The following CATSPERT variants were observed in gnomAD, a reference collection of about 807,000 sequenced individuals.
The protein encoded by CATSPERT is catsper channel auxiliary subunit tau, also known as cation channel sperm-associated targeting subunit tau.
the CATSPERT span, chr2:201,545,558 T>C: frequency 6.6e-7 from 1 of 1,508,814 alleles, no homozygotes; most frequent in Non-Finnish European, 8.9e-7. Context: ...CCTACAATAT[T>C]TTCAAGCTCC....
chr2:201,584,099 G>A, the CATSPERT span, among the ~76,000 whole-genome samples: 4 of 151,496 alleles, frequency 2.6e-5, no homozygotes, highest in Non-Finnish European at 5.9e-5. Context: ...TACTAGCCTC[G>A]GCAACATGGC....
chr2:201,493,364 G>A, the CATSPERT span: 6 of 1,536,818 alleles, frequency 3.9e-6, no homozygotes, highest in East Asian at 4.9e-5. Context: ...GGAATGATGG[G>A]TATACTCTGC....
chr2:201,549,019 C>T, the CATSPERT span, among the ~76,000 whole-genome samples: 1 of 151,936 alleles, frequency 6.6e-6, no homozygotes, highest in African/African-American at 2.4e-5. Context: ...ACACACACCC[C>T]CCAGCCAAAT....
the CATSPERT span, among the ~76,000 whole-genome samples, chr2:201,496,248 T>A: frequency 6.6e-6 from 1 of 152,164 alleles, no homozygotes. Context: ...AAAATAGAAT[T>A]GTCAGAAGAA....
At chr2:201,589,701 C>T in the CATSPERT span, among the ~76,000 whole-genome samples, 1 of 152,124 alleles carries the variant, frequency 6.6e-6, no homozygotes, top group African/African-American at 2.4e-5. Context: ...TAGGCAGGGA[C>T]AAAGATTTCA....
the CATSPERT span, among the ~76,000 whole-genome samples, chr2:201,546,944 G>C: frequency 6.6e-6 from 1 of 152,124 alleles, no homozygotes; most frequent in Non-Finnish European, 1.5e-5. Flanking sequence ...TATCTGGAGA[G>C]AGAAAAGAAT....
chr2:201,539,707 T>C, the CATSPERT span, among the ~76,000 whole-genome samples: 1 of 152,022 alleles, frequency 6.6e-6, no homozygotes, highest in African/African-American at 2.4e-5. Flanking sequence ...CCATCTTTCT[T>C]CCTCTCCTTG....
the CATSPERT span, among the ~76,000 whole-genome samples, chr2:201,532,616 A>G: frequency 6.6e-6 from 1 of 152,168 alleles, no homozygotes; most frequent in Non-Finnish European, 1.5e-5. Context: ...AATAAAATAC[A>G]AGGTTAGAGA....
chr2:201,527,457 C>CT, the CATSPERT span, among the ~76,000 whole-genome samples: 1 of 152,138 alleles, frequency 6.6e-6, no homozygotes, highest in Non-Finnish European at 1.5e-5. Flanking sequence ...TCAAAGCAAT[C>CT]TTAAGCAGAA....
the CATSPERT span, chr2:201,575,292 T>A: frequency 1.3e-6 from 2 of 1,591,836 alleles, no homozygotes; most frequent in African/African-American, 1.4e-5. Flanking sequence ...TATGTTTCCA[T>A]GCAACACTTG....
the CATSPERT span, among the ~76,000 whole-genome samples, chr2:201,488,578 A>G: frequency 1.3e-5 from 2 of 152,226 alleles, no homozygotes; most frequent in Non-Finnish European, 2.9e-5. Context: ...ATATAGCTAT[A>G]TAAGGTATGA....
the CATSPERT span, chr2:201,545,629 C>CAAGAA: frequency 1.4e-5 from 2 of 143,216 alleles, no homozygotes; most frequent in Non-Finnish European, 2.3e-5. Flanking sequence ...TTCCTAGAAG[C>CAAGAA]AAAAAAAAAA....
the CATSPERT span, chr2:201,549,817 A>T: frequency 6.6e-6 from 1 of 152,170 alleles, no homozygotes; most frequent in African/African-American, 2.4e-5. Context: ...TAGAAACAGT[A>T]TGAATTATCT....
the CATSPERT span, among the ~76,000 whole-genome samples, chr2:201,597,768 G>A: frequency 1.3e-5 from 2 of 152,068 alleles, no homozygotes; most frequent in Admixed American, 6.6e-5. Flanking sequence ...AGCTATTCCA[G>A]CATGGCCAGA....
chr2:201,606,547 C>A, the CATSPERT span, among the ~76,000 whole-genome samples: 23 of 152,188 alleles, frequency 1.5e-4, no homozygotes, highest in Middle Eastern at 3.4e-3. Flanking sequence ...TCCCAAGAAA[C>A]CTACTAAAAG....
chr2:201,608,724 G>A, the CATSPERT span, among the ~76,000 whole-genome samples: 1 of 151,884 alleles, frequency 6.6e-6, no homozygotes, highest in Non-Finnish European at 1.5e-5. Flanking sequence ...GGCTGAGTTG[G>A]GAGGATCACC....
At chr2:201,530,611 GA>G in the CATSPERT span, among the ~76,000 whole-genome samples, 1 of 152,182 alleles carries the variant, frequency 6.6e-6, no homozygotes, top group Non-Finnish European at 1.5e-5. Flanking sequence ...ATGGCTTAAA[GA>G]GGGCAGTTAA....
At chr2:201,559,204 G>C in the CATSPERT span, among the ~76,000 whole-genome samples, 16 of 152,310 alleles carry the variant, frequency 1.1e-4, no homozygotes, top group South Asian at 3.3e-3. Flanking sequence ...AAACCATCTT[G>C]CAGGCTGCCC....
At chr2:201,488,033 G>T in the CATSPERT span, 1 of 725,426 alleles carries the variant, frequency 1.4e-6, no homozygotes, top group Non-Finnish European at 2.2e-6. Flanking sequence ...GTTTATAATA[G>T]CAACAGTTAA....
Sources: gnomAD v4.1 joint callset for allele counts (sites outside exome capture counted in the v4.1 genomes callset) on GRCh38, gnomAD v4.1.1 for gene constraint, MANE v1.5 for transcripts, NCBI Gene and HGNC (gene_info 2026-07-23, HGNC 2026-07-21) for gene names.